Variants in CTNNA2 observed in about 807,000 individuals in gnomAD.
CTNNA2 encodes catenin alpha 2.
In CTNNA2, 42 loss-of-function variants were observed where a neutral mutation model predicts 101.0. The ratio of observed to expected loss-of-function variants is 0.42; its 90% CI spans 0.32 to 0.54. CTNNA2 has a LOEUF of 0.54. Among genes scored for constraint, CTNNA2 ranks in the 20% least tolerant of loss-of-function variants. The pLI is 0.14. For missense variants in CTNNA2, 871 were observed against 1,223.1 expected (o/e 0.71, Z 4.29); for synonymous variants, 450 against 456.4 (o/e 0.99, Z 0.18).
chr2:80,293,051 T>C (rs1198935657), intron 7 of CTNNA2, among the ~76,000 whole-genome samples: 1 of 152,236 alleles, frequency 6.6e-6, no homozygotes, highest in Admixed American at 6.5e-5. Context: ...TTTAATAAAA[T>C]AAAAGAAACA....
At chr2:80,080,495 A>C (rs1243708617) in intron 7 of CTNNA2, among the ~76,000 whole-genome samples, 1 of 152,228 alleles carries the variant, frequency 6.6e-6, no homozygotes, top group Non-Finnish European at 1.5e-5. Flanking sequence ...TAAGTGTAAC[A>C]GCCAGAGCTA....
intron 4 of CTNNA2, among the ~76,000 whole-genome samples, chr2:79,494,093 G>T (rs1407914020): frequency 1.3e-5 from 2 of 151,956 alleles, no homozygotes; most frequent in African/African-American, 4.8e-5. Flanking sequence ...TAAAAAGAAA[G>T]AATTTGGGAA....
chr2:80,504,959 T>C (rs1306110669), intron 9 of CTNNA2, among the ~76,000 whole-genome samples: 1 of 152,192 alleles, frequency 6.6e-6, no homozygotes. Context: ...GACGATGAAC[T>C]GCAGGTGCTG....
rs747160934 is a variant in CTNNA2 at position 79,822,647 on chromosome 2, A to G, written c.299-35366A>G. 2.5e-4 allele frequency among the ~76,000 whole-genome samples: 38 copies of G among 152,100 alleles called. 1 individual carries two copies. Among genetic ancestry groups the G allele is most frequent in the East Asian group, 1.6e-3 (8 of 5,154 alleles). ...TCTACCCTCAGCACCTCCAATTCCA[A>G]ATCCCTATTGCTCTCTTGACCATTA... On this transcript the variant is annotated intron_variant, in intron 3 of 18. Transcript: ENST00000402739.
chr2:80,230,463 A>G (rs1573459079), intron 7 of CTNNA2, among the ~76,000 whole-genome samples: 1 of 151,910 alleles, frequency 6.6e-6, no homozygotes, highest in Admixed American at 6.6e-5. Flanking sequence ...ATCACTTTCT[A>G]TGCCCTCATG....
intron 7 of CTNNA2, among the ~76,000 whole-genome samples, chr2:80,377,756 G>T (rs1194203163): frequency 6.6e-6 from 1 of 152,194 alleles, no homozygotes; most frequent in African/African-American, 2.4e-5. Flanking sequence ...TAGCACTATG[G>T]CTTTCCATGG....
chr2:79,934,618 G>A (rs145001039), intron 7 of CTNNA2, among the ~76,000 whole-genome samples: 123 of 152,264 alleles, frequency 8.1e-4, no homozygotes, highest in African/African-American at 2.7e-3. Flanking sequence ...AAGTAGGGAG[G>A]GTATGTGGCT....
At chr2:80,481,944 A>T (rs926232317) in intron 9 of CTNNA2, among the ~76,000 whole-genome samples, 13 of 152,136 alleles carry the variant, frequency 8.5e-5, no homozygotes, top group African/African-American at 3.1e-4. Context: ...AATATATCTG[A>T]TGGAGAACCA....
chr2:80,068,406 C>T (rs1356503483), intron 7 of CTNNA2, among the ~76,000 whole-genome samples: 1 of 152,212 alleles, frequency 6.6e-6, no homozygotes, highest in Non-Finnish European at 1.5e-5. Flanking sequence ...TTGTGGGAAA[C>T]ATGCAAATTG....
chr2:79,461,898 CAA>C (rs961218838), intron 4 of CTNNA2, among the ~76,000 whole-genome samples: 2 of 151,620 alleles, frequency 1.3e-5, no homozygotes, highest in Non-Finnish European at 2.9e-5. Context: ...TAAGAACTAA[CAA>C]TACTAGATAG....
intron 3 of CTNNA2, among the ~76,000 whole-genome samples, chr2:79,799,297 C>CT (rs202160862): frequency 0.031 from 4,601 of 150,734 alleles, 246 homozygotes; most frequent in African/African-American, 0.11. Flanking sequence ...ATGCCTTATT[C>CT]TTTTTTTTTA....
intron 2 of CTNNA2, among the ~76,000 whole-genome samples, chr2:79,215,149 G>C (rs1173144515): frequency 6.6e-6 from 1 of 152,186 alleles, no homozygotes; most frequent in Non-Finnish European, 1.5e-5. Flanking sequence ...CAGGGGCTCT[G>C]GGAGTGGCTG....
intron 4 of CTNNA2, among the ~76,000 whole-genome samples, chr2:79,430,107 C>T (rs995472652): frequency 2.0e-5 from 3 of 151,888 alleles, no homozygotes; most frequent in Admixed American, 1.3e-4. Flanking sequence ...TTGAGAGAAG[C>T]AAAAATCTCA....
At chr2:80,246,549 C>G (rs1671344418) in intron 7 of CTNNA2, among the ~76,000 whole-genome samples, 1 of 152,086 alleles carries the variant, frequency 6.6e-6, no homozygotes, top group Non-Finnish European at 1.5e-5. Flanking sequence ...CAAGTATGGA[C>G]CTGTTCAGTA....
At chr2:80,039,092 A>T (rs1388702633) in intron 7 of CTNNA2, among the ~76,000 whole-genome samples, 1 of 152,112 alleles carries the variant, frequency 6.6e-6, no homozygotes, top group Non-Finnish European at 1.5e-5. Context: ...TTTTTTGAGG[A>T]TAGAATTCAA....
At chr2:79,294,072 C>T (rs1675903592) in intron 2 of CTNNA2, among the ~76,000 whole-genome samples, 1 of 152,084 alleles carries the variant, frequency 6.6e-6, no homozygotes, top group Non-Finnish European at 1.5e-5. Flanking sequence ...GTAAATTTCT[C>T]TCTCATAGTC....
intron 2 of CTNNA2, among the ~76,000 whole-genome samples, chr2:79,286,430 C>T (rs1168343390): frequency 2.0e-5 from 3 of 151,940 alleles, no homozygotes; most frequent in Non-Finnish European, 4.4e-5. Context: ...CCTTCAGGAG[C>T]TCTTTTAGGG....
rs369678491 is a variant in CTNNA2 at position 79,816,872 on chromosome 2, C to G, written c.299-41141C>G. On this transcript the variant is annotated intron_variant, in intron 3 of 18. Transcript: ENST00000402739. ...TTTTTACAGTGGCATACCTAGCTGGCAAAAGAGCATCTCAAACCTTACGAT... is the reference window on the plus strand; with the variant it reads ...TTTTTACAGTGGCATACCTAGCTGGGAAAAGAGCATCTCAAACCTTACGAT... Among the ~76,000 whole-genome samples the G allele has an allele frequency of 3.2e-4, 48 of 152,248 alleles. 1 individual carries two copies. In the South Asian group the frequency reaches 9.8e-3, roughly 31 times the overall value.
At chr2:80,090,379 A>G (rs1217277598) in intron 7 of CTNNA2, among the ~76,000 whole-genome samples, 1 of 152,068 alleles carries the variant, frequency 6.6e-6, no homozygotes, top group Non-Finnish European at 1.5e-5. Flanking sequence ...GCTTCCTGCT[A>G]CTACAAGCAC....
Sources: allele counts gnomAD v4.1 joint callset (sites outside exome capture counted in the v4.1 genomes callset), GRCh38; gene constraint gnomAD v4.1.1; transcripts MANE v1.5; gene names NCBI Gene and HGNC (gene_info 2026-07-23, HGNC 2026-07-21).